DLGAP1: variants seen among roughly 807,000 people sequenced by gnomAD.
The protein encoded by DLGAP1 is DLG associated protein 1, also known as disks large-associated protein 1.
In DLGAP1, 11 loss-of-function variants were observed where a neutral mutation model predicts 90.8. That is an observed-to-expected ratio of 0.12 (90% confidence interval 0.08 to 0.20). The LOEUF is 0.20. Among genes scored for constraint, DLGAP1 ranks in the 10% least tolerant of loss-of-function variants. The pLI is 1.00. For synonymous variants in DLGAP1, 558 were observed against 540.7 expected, an observed-to-expected ratio of 1.03 and a Z score of -0.44; for missense variants, 1,050 against 1,333.8, an observed-to-expected ratio of 0.79 and a Z score of 3.31.
At chr18:3,659,733 G>A (rs960135806) in intron 7 of DLGAP1, among the ~76,000 whole-genome samples, 3 of 151,910 alleles carry the variant, frequency 2.0e-5, no homozygotes, top group African/African-American at 7.3e-5. Flanking sequence ...ACCCAGCTAA[G>A]TTTCGTATTT....
chr18:4,100,553 G>A (rs535959208), intron 2 of DLGAP1, among the ~76,000 whole-genome samples: 1 of 152,338 alleles, frequency 6.6e-6, no homozygotes, highest in South Asian at 2.1e-4. Context: ...AAAGTCACCA[G>A]CTGCATTAGC....
chr18:4,265,088 C>T (rs2079077425), intron 1 of DLGAP1, among the ~76,000 whole-genome samples: 1 of 148,682 alleles, frequency 6.7e-6, no homozygotes, highest in Non-Finnish European at 1.5e-5. Context: ...AAATCTTAAT[C>T]ATATTAATGT....
chr18:4,198,117 T>A (rs1271648573), intron 1 of DLGAP1, among the ~76,000 whole-genome samples: 5 of 151,800 alleles, frequency 3.3e-5, no homozygotes, highest in Admixed American at 3.3e-4. Context: ...CCAGCTACTC[T>A]GGAGGCTGAG....
chr18:3,860,279 G>A (rs1254910754), intron 4 of DLGAP1, among the ~76,000 whole-genome samples: 1 of 151,486 alleles, frequency 6.6e-6, no homozygotes, highest in Non-Finnish European at 1.5e-5. Context: ...CTGCTCTCTT[G>A]CTTCAGTTCA....
intron 5 of DLGAP1, among the ~76,000 whole-genome samples, chr18:3,785,931 C>T (rs2065430278): frequency 6.6e-6 from 1 of 152,138 alleles, no homozygotes; most frequent in Non-Finnish European, 1.5e-5. Flanking sequence ...GTGCTGGCTT[C>T]CTTCAGCCTT....
At chr18:4,256,684 C>G (rs2078894077) in intron 1 of DLGAP1, among the ~76,000 whole-genome samples, 2 of 151,960 alleles carry the variant, frequency 1.3e-5, no homozygotes, top group Admixed American at 1.3e-4. Context: ...TAAAATATTT[C>G]AGATTATACT....
chr18:3,976,973 A>G (rs941994202), intron 3 of DLGAP1, among the ~76,000 whole-genome samples: 4 of 152,210 alleles, frequency 2.6e-5, no homozygotes, highest in Admixed American at 6.5e-5. Context: ...ACAGGTTTCA[A>G]TACGATTCTT....
intron 7 of DLGAP1, among the ~76,000 whole-genome samples, chr18:3,724,136 G>GCAA: frequency 6.6e-6 from 1 of 151,782 alleles, no homozygotes; most frequent in Non-Finnish European, 1.5e-5. Context: ...ACCAGCCTGA[G>GCAA]CAACATAGCA....
chr18:4,309,162 A>G (rs978191755), intron 1 of DLGAP1, among the ~76,000 whole-genome samples: 4 of 152,206 alleles, frequency 2.6e-5, no homozygotes, highest in African/African-American at 9.6e-5. Context: ...TTACCTGTAC[A>G]GTTTCTGGTG....
chr18:4,299,432 C>G (rs929326631), intron 1 of DLGAP1, among the ~76,000 whole-genome samples: 35 of 152,142 alleles, frequency 2.3e-4, no homozygotes, highest in Admixed American at 1.0e-3. Flanking sequence ...CACTCACAAC[C>G]ATAATTTAGT....
chr18:4,062,289 C>A (rs933980470), intron 2 of DLGAP1, among the ~76,000 whole-genome samples: 2 of 152,112 alleles, frequency 1.3e-5, no homozygotes, highest in African/African-American at 2.4e-5. Flanking sequence ...TTTACCAGGG[C>A]TTTAACTGGA....
chr18:4,258,683 GATTTC>G (rs1327362233), intron 1 of DLGAP1, among the ~76,000 whole-genome samples: 1 of 152,030 alleles, frequency 6.6e-6, no homozygotes, highest in Non-Finnish European at 1.5e-5. Context: ...ACATTTAATT[GATTTC>G]ATTTCAATAG....
intron 1 of DLGAP1, among the ~76,000 whole-genome samples, chr18:4,283,354 T>C (rs764422608): frequency 9.8e-5 from 15 of 152,316 alleles, no homozygotes; most frequent in Middle Eastern, 3.4e-3. Context: ...AGAGAAATAT[T>C]TGTCTTTGAA....
At chr18:3,901,260 C>T (rs2071776398) in intron 3 of DLGAP1, among the ~76,000 whole-genome samples, 1 of 152,176 alleles carries the variant, frequency 6.6e-6, no homozygotes, top group Non-Finnish European at 1.5e-5. Context: ...AATTTAACTG[C>T]TCCTCTGCCC....
chr18:4,303,224 T>C (rs2080169832), intron 1 of DLGAP1, among the ~76,000 whole-genome samples: 1 of 152,254 alleles, frequency 6.6e-6, no homozygotes, highest in Admixed American at 6.5e-5. Context: ...GTGTGGCTTC[T>C]GTTAATTTCT....
chr18:3,659,178 C>T (rs1401753869), intron 7 of DLGAP1, among the ~76,000 whole-genome samples: 3 of 152,026 alleles, frequency 2.0e-5, no homozygotes, highest in Non-Finnish European at 2.9e-5. Context: ...CTTATATTAA[C>T]ATGATACACA....
At chr18:3,613,638 G>T (rs2057729687) in intron 7 of DLGAP1, among the ~76,000 whole-genome samples, 1 of 152,200 alleles carries the variant, frequency 6.6e-6, no homozygotes, top group African/African-American at 2.4e-5. Context: ...AGGAAGCAAT[G>T]TTGGCCCACA....
At chr18:3,876,556 T>C (rs978104044) in intron 4 of DLGAP1, among the ~76,000 whole-genome samples, 3 of 152,202 alleles carry the variant, frequency 2.0e-5, no homozygotes, top group Non-Finnish European at 1.5e-5. Flanking sequence ...AACCTTTCAA[T>C]AATTTCAGAA....
intron 3 of DLGAP1, among the ~76,000 whole-genome samples, chr18:3,910,120 G>C (rs1184082291): frequency 6.7e-6 from 1 of 149,892 alleles, no homozygotes; most frequent in East Asian, 1.9e-4. Flanking sequence ...ATGAATACCT[G>C]CTGTCGGCTA....
Sources: allele counts gnomAD v4.1 joint callset (sites outside exome capture counted in the v4.1 genomes callset), GRCh38; gene constraint gnomAD v4.1.1; transcripts MANE v1.5; gene names NCBI Gene and HGNC (gene_info 2026-07-23, HGNC 2026-07-21).